Variants in CACNA1E observed in about 807,000 individuals in gnomAD.
CACNA1E encodes calcium voltage-gated channel subunit alpha1 E, also known as voltage-dependent R-type calcium channel subunit alpha-1E.
A neutral mutation model predicts 259.2 loss-of-function variants in CACNA1E; 40 were observed. The ratio of observed to expected loss-of-function variants is 0.15; its 90% CI spans 0.12 to 0.20. CACNA1E has a LOEUF of 0.20. CACNA1E is among the 10% of genes least tolerant of loss of function. The probability of loss-of-function intolerance (pLI) is 1.00; values close to 1 mark genes in which losing one functional copy is unlikely to be tolerated. For missense variants in CACNA1E, 1,874 were observed against 3,040.1 expected, an observed-to-expected ratio of 0.62 and a Z score of 9.02; for synonymous variants, 1,104 against 1,138.5, an observed-to-expected ratio of 0.97 and a Z score of 0.61.
At position 181,757,042 on chromosome 1, in the gene CACNA1E, C is replaced by G; in HGVS notation, c.4245C>G (p.Val1415=). The stretch of plus-strand genomic sequence containing the variant: ...TTGTGGTCTTCCCCTTCTTCTTTGT[C>G]AATATCTTTGTGGCTCTCATCATCA... ...VYFVVFPFFF[V]NIFVALIIIT... Residue 1415 remains valine, a synonymous_variant, in exon 30 of 48, where the codon GTC becomes GTG. Transcript: ENST00000367573. 6.2e-7 allele frequency: 1 copy of G among 1,613,736 alleles called. No individual in the cohort carries two copies. Among genetic ancestry groups the G allele is most frequent in the Non-Finnish European group, 8.5e-7 (1 of 1,179,694 alleles).
At chr1:181,377,221 T>C (rs1655163673) in intron 1 of CACNA1E, among the ~76,000 whole-genome samples, 1 of 152,126 alleles carries the variant, frequency 6.6e-6, no homozygotes, top group African/African-American at 2.4e-5. Context: ...ATAGACTTTA[T>C]AAGAGAGGTG....
intron 1 of CACNA1E, among the ~76,000 whole-genome samples, chr1:181,330,507 G>A (rs1357158273): frequency 2.0e-5 from 3 of 152,204 alleles, no homozygotes; most frequent in Non-Finnish European, 4.4e-5. Context: ...AACACAGCCC[G>A]AGTTCCGTGT....
At chr1:181,522,516 G>C (rs1667064814) in intron 3 of CACNA1E, among the ~76,000 whole-genome samples, 1 of 152,214 alleles carries the variant, frequency 6.6e-6, no homozygotes, top group African/African-American at 2.4e-5. Flanking sequence ...CAACCCACAT[G>C]CTTGTTTATG....
intron 3 of CACNA1E, among the ~76,000 whole-genome samples, chr1:181,539,962 C>A (rs929262924): frequency 7.9e-5 from 12 of 152,144 alleles, no homozygotes; most frequent in African/African-American, 2.7e-4. Context: ...CCCAGTCTTA[C>A]AACAAATAAA....
Position 181,336,923 on chromosome 1 carries a change from A to G in CACNA1E, c.-15+18800A>G, listed in dbSNP as rs1048648756. On this transcript the variant is annotated intron_variant, in intron 1 of 11. Coordinates refer to the CACNA1E transcript ENST00000524607. ...TTAGTTGTCTTTATATTACATCTAT[A>G]TAATGTCATATCTATTACATAGATA... is the stretch of plus-strand genomic sequence containing the variant. 4.6e-5 allele frequency among the ~76,000 whole-genome samples: 5 copies of G among 109,002 alleles called. No individual in the cohort carries two copies. The East Asian group carries it at 8.1e-4, about 18-fold the overall frequency. The allele number at this position is 109,002 out of a possible 152,430, so 71.5% of individuals were successfully genotyped here. A position where few individuals can be genotyped will look rare whatever the true frequency, so the allele number is the denominator to read the frequency against.
chr1:181,796,387 A>G (rs555874449), intron 46 of CACNA1E, among the ~76,000 whole-genome samples: 2 of 152,280 alleles, frequency 1.3e-5, no homozygotes, highest in East Asian at 3.9e-4. Context: ...CTATTCTCAC[A>G]TGATGGAGAG....
At chr1:181,701,395 A>G (rs1371011462) in intron 7 of CACNA1E, among the ~76,000 whole-genome samples, 2 of 125,594 alleles carry the variant, frequency 1.6e-5, no homozygotes, top group African/African-American at 6.0e-5. Flanking sequence ...GATGGAGGAG[A>G]AAGAAGAATA....
chr1:181,387,663 A>G (rs1427212874), intron 1 of CACNA1E, among the ~76,000 whole-genome samples: 3 of 152,194 alleles, frequency 2.0e-5, no homozygotes, highest in Non-Finnish European at 4.4e-5. Flanking sequence ...TTCAGAGTAC[A>G]CGGAGACTGG....
chr1:181,348,465 A>G (rs1219231174), intron 1 of CACNA1E, among the ~76,000 whole-genome samples: 1 of 152,042 alleles, frequency 6.6e-6, no homozygotes, highest in Non-Finnish European at 1.5e-5. Context: ...GAGGGTCAGT[A>G]TGGTTTGCTA....
intron 2 of CACNA1E, among the ~76,000 whole-genome samples, chr1:181,461,369 C>A (rs6672748): frequency 7.9e-5 from 12 of 151,056 alleles, no homozygotes; most frequent in African/African-American, 2.2e-4. Context: ...GTGAAACCCC[C>A]TCTCTACTAA....
chr1:181,678,391 G>C (rs977003206), intron 7 of CACNA1E, among the ~76,000 whole-genome samples: 1 of 152,156 alleles, frequency 6.6e-6, no homozygotes, highest in Non-Finnish European at 1.5e-5. Context: ...CACCTGAAAA[G>C]GCACCACTGT....
At position 181,800,111 on chromosome 1, in the gene CACNA1E, C is replaced by T. The variant is rs1662164849; in HGVS notation, c.*1277C>T. ...AAAGTCTGGATTTACTGAGGACCTC[C>T]CCTGAGGAGGGACCGTTGGGACCGC... On this transcript the variant is annotated 3_prime_UTR_variant, in exon 48 of 48. Coordinates refer to ENST00000367573, the MANE Select transcript of CACNA1E (RefSeq NM_001205293.3). 6.5e-6 allele frequency: 1 copy of T among 152,792 alleles called. No homozygotes were observed. The highest frequency in any genetic ancestry group is 2.1e-4 in the South Asian group (1 of 4,834). The allele number at this position is 152,792 out of a possible 1,614,324, so 9.5% of individuals were successfully genotyped here.
intron 43 of CACNA1E, among the ~76,000 whole-genome samples, chr1:181,787,496 C>T (rs1398733719): frequency 6.6e-6 from 1 of 152,186 alleles, no homozygotes; most frequent in Admixed American, 6.5e-5. Context: ...TAACCCACCA[C>T]CATAGGATCA....
chr1:181,390,302 C>CTTATTTATTTATTTAT (rs58239460), intron 1 of CACNA1E, among the ~76,000 whole-genome samples: 1,556 of 137,640 alleles, frequency 0.011, 32 homozygotes, highest in African/African-American at 0.04. Context: ...GAGGAGACAC[C>CTTATTTATTTATTTAT]TTATTTATTT....
At chr1:181,460,704 C>T (rs4126692) in intron 2 of CACNA1E, among the ~76,000 whole-genome samples, 62,405 of 152,064 alleles carry the variant, frequency 0.41, 14,469 homozygotes, top group African/African-American at 0.65. Flanking sequence ...AATTCATTTA[C>T]ACTTAGAGTA....
rs750556131 is a variant in CACNA1E at position 181,772,248 on chromosome 1, T to A, written c.5139+17T>A. The A allele has an allele frequency of 6.2e-7, 1 of 1,607,998 alleles. No individual in the cohort carries two copies. The highest frequency in any genetic ancestry group is 2.2e-5 in the East Asian group (1 of 44,802). On this transcript the variant is annotated intron_variant, in intron 37 of 47. Transcript: ENST00000367573. ...TCCTTCTTGGTGAGCAACATTGTGC[T>A]TTTGCCTTGCTATGTGGCCCATCCC...
At chr1:181,600,873 A>T (rs1231459560) in intron 6 of CACNA1E, among the ~76,000 whole-genome samples, 2 of 152,128 alleles carry the variant, frequency 1.3e-5, no homozygotes, top group African/African-American at 4.8e-5. Flanking sequence ...AGATGGACTG[A>T]TGTCCCTTAG....
intron 2 of CACNA1E, among the ~76,000 whole-genome samples, chr1:181,463,332 T>G (rs1185851704): frequency 6.6e-6 from 1 of 152,152 alleles, no homozygotes; most frequent in Non-Finnish European, 1.5e-5. Context: ...GGACTCTGGT[T>G]GACTGAGGGT....
intron 37 of CACNA1E, among the ~76,000 whole-genome samples, chr1:181,774,534 TG>T (rs1217719050): frequency 6.6e-6 from 1 of 152,220 alleles, no homozygotes; most frequent in Non-Finnish European, 1.5e-5. Context: ...AAAGGGGTGT[TG>T]GGGCCCCAGA....
Sources: allele counts gnomAD v4.1 joint callset (sites outside exome capture counted in the v4.1 genomes callset), GRCh38; gene constraint gnomAD v4.1.1; transcripts MANE v1.5; gene names NCBI Gene and HGNC (gene_info 2026-07-23, HGNC 2026-07-21).